The following MAP4 variants were observed in gnomAD, a reference collection of about 807,000 sequenced individuals.
The protein encoded by MAP4 is microtubule-associated protein 4.
Under a neutral mutation model 170.2 loss-of-function variants are expected in MAP4, and 76 were observed. The ratio of observed to expected loss-of-function variants is 0.45; its 90% CI spans 0.37 to 0.54. The LOEUF is 0.54. Ranked by LOEUF, MAP4 falls within the 20% of genes least tolerant of loss-of-function variation. The pLI is 0.00. For missense variants in MAP4, 2,506 were observed against 2,748.0 expected (o/e 0.91, Z 1.97); for synonymous variants, 909 against 994.5 (o/e 0.91, Z 1.62).
At chr3:48,026,796 A>G (rs772629051) in intron 1 of MAP4, among the ~76,000 whole-genome samples, 5 of 152,216 alleles carry the variant, frequency 3.3e-5, no homozygotes, top group Non-Finnish European at 7.4e-5. Context: ...ACCACCAACA[A>G]TTAATTAGTT....
chr3:47,941,107 G>C (rs1184520664), intron 3 of MAP4, among the ~76,000 whole-genome samples: 1 of 150,128 alleles, frequency 6.7e-6, no homozygotes, highest in African/African-American at 2.5e-5. Context: ...TCAAACTCCT[G>C]ATCTCAGGTG....
At chr3:48,033,484 C>T (rs1014646778) in intron 1 of MAP4, among the ~76,000 whole-genome samples, 3 of 152,134 alleles carry the variant, frequency 2.0e-5, no homozygotes, top group African/African-American at 7.2e-5. Flanking sequence ...AGTTTTCTTT[C>T]CAGCTGTCCT....
chr3:47,918,587 A>G (rs2100041013), intron 6 of MAP4, 132 bp downstream of exon 6: 1 of 658,204 alleles, frequency 1.5e-6, no homozygotes, highest in Non-Finnish European at 2.7e-6. Context: ...TATCACTAAT[A>G]TAAGCAAAAC....
At chr3:47,906,520 T>C (rs1324436666) in intron 9 of MAP4, among the ~76,000 whole-genome samples, 2 of 151,524 alleles carry the variant, frequency 1.3e-5, no homozygotes, top group Non-Finnish European at 2.9e-5. Flanking sequence ...CCCGTCTCTA[T>C]TAAAAATACA....
At chr3:47,858,601 GTGTGTGTGTGTGTGCGCGT>G (rs1488576845) in intron 17 of MAP4, among the ~76,000 whole-genome samples, 3 of 138,730 alleles carry the variant, frequency 2.2e-5, no homozygotes, top group African/African-American at 6.0e-5. Flanking sequence ...GTGTGTGTGT[GTGTGTGTGTGTGTGCGCGT>G]TGTGTGTGTG....
chr3:47,915,734 A>G (rs1413398410), intron 7 of MAP4, among the ~76,000 whole-genome samples: 1 of 152,224 alleles, frequency 6.6e-6, no homozygotes, highest in Non-Finnish European at 1.5e-5. Context: ...ATCTGCAAGA[A>G]AAACAGGACA....
intron 10 of MAP4, among the ~76,000 whole-genome samples, chr3:47,893,658 T>C (rs1260609464): frequency 6.6e-6 from 1 of 152,160 alleles, no homozygotes; most frequent in Non-Finnish European, 1.5e-5. Flanking sequence ...TTTTCTTGTC[T>C]AGCTGTAAGT....
chr3:48,056,980 A>G (rs1228536480), intron 1 of MAP4, among the ~76,000 whole-genome samples: 2 of 78,396 alleles, frequency 2.6e-5, no homozygotes, highest in Non-Finnish European at 2.5e-5. Context: ...TCCGGGAGGG[A>G]GGTGGGGGGG....
chr3:47,870,584 A>T (rs1160350477), intron 15 of MAP4, among the ~76,000 whole-genome samples: 1 of 152,194 alleles, frequency 6.6e-6, no homozygotes, highest in African/African-American at 2.4e-5. Flanking sequence ...CAACATCTAG[A>T]ACAGGAGCCT....
At chr3:47,907,793 G>C (rs2100033944) in intron 9 of MAP4, among the ~76,000 whole-genome samples, 1 of 152,168 alleles carries the variant, frequency 6.6e-6, no homozygotes. Flanking sequence ...ATGAATGCTG[G>C]AAAGCCCTCT....
intron 2 of MAP4, among the ~76,000 whole-genome samples, chr3:47,988,875 C>T (rs2100090514): frequency 6.6e-6 from 1 of 151,984 alleles, no homozygotes; most frequent in Non-Finnish European, 1.5e-5. Flanking sequence ...TGCAGTGGCA[C>T]GATCTTGGCT....
intron 1 of MAP4, among the ~76,000 whole-genome samples, chr3:48,034,527 A>AC (rs546363612): frequency 1.4e-4 from 22 of 151,856 alleles, no homozygotes; most frequent in Admixed American, 3.3e-4. Context: ...ACATAGTGAA[A>AC]CCCCGTCTCT....
intron 3 of MAP4, among the ~76,000 whole-genome samples, chr3:47,969,367 T>C (rs750779583): frequency 1.3e-5 from 2 of 149,138 alleles, no homozygotes; most frequent in African/African-American, 5.0e-5. Flanking sequence ...GATCACGCCA[T>C]TGCACTCCAG....
At chr3:47,973,721 A>T (rs890437534) in intron 3 of MAP4, 1 of 985,332 alleles carries the variant, frequency 1.0e-6, no homozygotes, top group Non-Finnish European at 1.2e-6. Context: ...ACTGGTTACG[A>T]GCAATAGAAA....
intron 3 of MAP4, among the ~76,000 whole-genome samples, chr3:47,935,974 CA>C (rs1208839793): frequency 1.3e-5 from 2 of 149,878 alleles, no homozygotes; most frequent in African/African-American, 2.5e-5. Flanking sequence ...GAATATACCT[CA>C]AAAAAATTAA....
At chr3:47,918,492 A>G (rs1371358349) in intron 6 of MAP4, among the ~76,000 whole-genome samples, 1 of 152,142 alleles carries the variant, frequency 6.6e-6, no homozygotes, top group South Asian at 2.1e-4. Flanking sequence ...AAAAATATAT[A>G]TATGTTAAAA....
rs539687824 is a variant in MAP4 at position 48,055,363 on chromosome 3, C to G, written c.-20+33410G>C. On this transcript the variant is annotated intron_variant, in intron 1 of 18. Transcript: ENST00000360240. ...CCGAATGCCTGCGATTGCAGGCCCG[C>G]GCCGCCACGCCTGATTGGTTTTGGT... is the stretch of plus-strand genomic sequence containing the variant. Among the ~76,000 whole-genome samples, 3 of 152,300 alleles carry G rather than the reference C, an allele frequency of 2.0e-5. No homozygotes were observed. The East Asian group carries it at 5.8e-4, about 30-fold the overall frequency.
Position 47,870,910 on chromosome 3 carries a change from C to A in MAP4, c.6197G>T (p.Ser2066Ile), listed in dbSNP as rs1187539964. 1 of 1,613,862 alleles carries A rather than the reference C, an allele frequency of 6.2e-7. No individual in the cohort carries two copies. Among genetic ancestry groups the A allele is most frequent in the Non-Finnish European group, 8.5e-7 (1 of 1,179,888 alleles). ...AKPSSTTPRL[S>I]RLATNTSAPD... is the part of the protein sequence containing the mutation. ...AGCAGAAGTATTGGTGGCCAGGCGGCTGAGCCGGGGGGTGGTGGAGCTGGG... is the reference window on the plus strand; with the variant it reads ...AGCAGAAGTATTGGTGGCCAGGCGGATGAGCCGGGGGGTGGTGGAGCTGGG... Residue 2066 changes from serine to isoleucine, a missense_variant, in exon 15 of 21, where the codon AGC (serine) becomes ATC (isoleucine). By Grantham distance (142) the Ser-to-Ile change is moderately radical. Around this residue, in one of 3 missense-constraint regions of MAP4, gnomAD observed 487 missense variants for 511.6 expected, o/e 0.95. Coordinates refer to ENST00000683076, the MANE Select transcript of MAP4 (RefSeq NM_001385682.1).
chr3:47,860,400 C>G (rs977477032), intron 17 of MAP4, among the ~76,000 whole-genome samples: 1 of 152,230 alleles, frequency 6.6e-6, no homozygotes, highest in Non-Finnish European at 1.5e-5. Flanking sequence ...CGCCAAGTGG[C>G]CCAGGCTGGT....
Sources: gnomAD v4.1 joint callset for allele counts (sites outside exome capture counted in the v4.1 genomes callset) on GRCh38, gnomAD v4.1.1 for gene constraint, gnomAD v4.1.1 regional missense constraint, MANE v1.5 for transcripts, NCBI Gene and HGNC (gene_info 2026-07-23, HGNC 2026-07-21) for gene names.